USP19: variants seen among roughly 807,000 people sequenced by gnomAD.
USP19 encodes ubiquitin carboxyl-terminal hydrolase 19.
In USP19, 40 loss-of-function variants were observed where a neutral mutation model predicts 144.8. The ratio of observed to expected loss-of-function variants is 0.28; its 90% CI spans 0.21 to 0.36. The LOEUF (loss-of-function observed/expected upper bound fraction) is 0.36. Among genes scored for constraint, USP19 ranks in the 10% least tolerant of loss-of-function variants. The probability of loss-of-function intolerance (pLI) is 1.00; values close to 1 mark genes in which losing one functional copy is unlikely to be tolerated. For missense variants in USP19, 1,518 were observed against 1,822.5 expected (o/e 0.83, Z 3.04); for synonymous variants, 701 against 709.3 (o/e 0.99, Z 0.19).
intron 26 of USP19, chr3:49,109,266 C>T: frequency 7.0e-7 from 1 of 1,425,390 alleles, no homozygotes; most frequent in Non-Finnish European, 9.2e-7. Flanking sequence ...CATGACAGTC[C>T]CACCTGGGGT....
Position 49,119,067 on chromosome 3 carries a change from T to C in USP19, c.79A>G (p.Lys27Glu). 9 of 1,614,216 alleles carry C rather than the reference T, an allele frequency of 5.6e-6. No homozygotes were observed. Among genetic ancestry groups the C allele is most frequent in the Non-Finnish European group, 7.6e-6 (9 of 1,180,036 alleles). The change falls in exon 2 of 27, where the codon AAG becomes GAG. Residue 27 changes from lysine (K) to glutamate (E), a missense_variant. Lys to Glu is a moderately conservative substitution (Grantham distance 56). Transcript: ENST00000417901. ...TTGCTCTCCTGGTTTGCTCGATCCT[T>C]CTGCTTCTTCTTACTAGTGGTGTCC... Reference protein sequence around the residue: ...LEDTTSKKKQKDRANQESKDG... With the variant: ...LEDTTSKKKQEDRANQESKDG...
At position 49,115,028 on chromosome 3, in the gene USP19, G is replaced by A. The variant is rs908339457; in HGVS notation, c.2112C>T (p.His704=). ...EFMAFLLDGL[H]EDLNRIQNKP... ...TGTTCTGAATGCGATTCAGGTCCTC[G>A]TGCAGCCCATCCAGCAGGAAAGCCA... The change falls in exon 14 of 27, where the codon CAC becomes CAT. Residue 704 remains histidine (H), a synonymous_variant. Transcript: ENST00000417901. The surrounding 1 kb of genome is among the most constrained non-coding windows in gnomAD (Gnocchi z 6.6). 7 of 1,614,024 alleles carry A rather than the reference G, an allele frequency of 4.3e-6. No homozygotes were observed. The highest frequency in any genetic ancestry group is 1.1e-5 in the South Asian group (1 of 91,086).
Position 49,111,435 on chromosome 3 carries a change from C to T in USP19, c.3217+65G>A. 2 of 1,613,284 alleles carry T rather than the reference C, an allele frequency of 1.2e-6. No homozygotes were observed. The highest frequency in any genetic ancestry group is 1.7e-6 in the Non-Finnish European group (2 of 1,179,684). On this transcript the variant is annotated intron_variant, in intron 21 of 26. Transcript: ENST00000417901. This position sits in a 1 kb window ranked among gnomAD's most constrained non-coding sequence, Gnocchi z 5.9. ...CTCACCAGGCCCACCAGGCCCTAAACAACAGCCCCCTCCATCCTCCCTTAT... is the reference window on the plus strand; with the variant it reads ...CTCACCAGGCCCACCAGGCCCTAAATAACAGCCCCCTCCATCCTCCCTTAT...
rs760195766 is a variant in USP19, at chr3:49,116,346, C to G, written c.1289G>C (p.Gly430Ala). 3 of 1,614,088 alleles carry G rather than the reference C, an allele frequency of 1.9e-6. No homozygotes were observed. Among genetic ancestry groups the G allele is most frequent in the Non-Finnish European group, 2.5e-6 (3 of 1,180,032 alleles). Residue 430 changes from glycine to alanine, a missense_variant, in exon 9 of 27, where the codon GGA (glycine) becomes GCA (alanine). Physicochemically the swap from Gly to Ala is moderately conservative, Grantham distance 60. Coordinates refer to ENST00000417901, the MANE Select transcript of USP19 (RefSeq NM_001199161.2). This position sits in a 1 kb window ranked among gnomAD's most constrained non-coding sequence, Gnocchi z 5.0. Reference sequence around the variant, plus strand: ...GCCCGGGTGCAGCCTCAGGAAGTTTCCATCCCTGCAGAGGCACAGCAGGAT... The same window carrying G: ...GCCCGGGTGCAGCCTCAGGAAGTTTGCATCCCTGCAGAGGCACAGCAGGAT... ...DFTLIFQTRD[G>A]NFLRLHPGCG...
In USP19 at chr3:49,110,158, T is replaced by G; in HGVS notation, c.4038+26A>C. The G allele has an allele frequency of 6.7e-7, 1 of 1,501,572 alleles. No homozygotes were observed. Among genetic ancestry groups the G allele is most frequent in the Non-Finnish European group, 8.9e-7 (1 of 1,127,502 alleles). 93.0% of individuals were successfully genotyped at this position (1,501,572 alleles called of 1,614,324 possible). On this transcript the variant is annotated intron_variant, in intron 26 of 26. Coordinates refer to ENST00000417901, the MANE Select transcript of USP19 (RefSeq NM_001199161.2). The surrounding 1 kb of genome is among the most constrained non-coding windows in gnomAD (Gnocchi z 6.1). ...CAGTCTGTGAACTGTCCCCCAGTATTCTGTAAAGCCTCCCACATGCCTCAC... is the reference window on the plus strand; with the variant it reads ...CAGTCTGTGAACTGTCCCCCAGTATGCTGTAAAGCCTCCCACATGCCTCAC...
At position 49,116,943 on chromosome 3, in the gene USP19, C is replaced by A; in HGVS notation, c.910G>T (p.Val304Phe). Reference protein sequence around the residue: ...PPFVADPATQVEADEQLCIPP... With the variant: ...PPFVADPATQFEADEQLCIPP... ...ATGCAAAGCTGTTCATCAGCCTCAACCTATTAATGGCAAGATTGTGGAAAG... is the reference window on the plus strand; with the variant it reads ...ATGCAAAGCTGTTCATCAGCCTCAAACTATTAATGGCAAGATTGTGGAAAG... The change falls in exon 7 of 27, where the codon GTT (valine) becomes TTT (phenylalanine). Residue 304 changes from valine (V) to phenylalanine (F), a missense_variant and splice_region_variant. Val to Phe is a conservative substitution (Grantham distance 50, BLOSUM62 -1). Transcript: ENST00000417901. This position sits in a 1 kb window ranked among gnomAD's most constrained non-coding sequence, Gnocchi z 5.0. 1.9e-6 allele frequency: 3 copies of A among 1,613,254 alleles called. No homozygotes were observed. The highest frequency in any genetic ancestry group is 2.5e-6 in the Non-Finnish European group (3 of 1,179,666).
At chr3:49,119,403 C>G (rs546344491) in intron 1 of USP19, 122 bp from the exon 2 acceptor site, 3 of 415,148 alleles carry the variant, frequency 7.2e-6, no homozygotes, top group Middle Eastern at 1.3e-3. Flanking sequence ...TCTTAAGTAC[C>G]CCTGGACACT....
At position 49,110,355 on chromosome 3, in the gene USP19, G is replaced by A. The variant is rs1180460934; in HGVS notation, c.3867C>T (p.Arg1289=). 1 of 1,594,444 alleles carries A rather than the reference G, an allele frequency of 6.3e-7. No homozygotes were observed. The highest frequency in any genetic ancestry group is 8.6e-7 in the Non-Finnish European group (1 of 1,168,052). ...RSSQRSDVGW[R]LFDDSTVTTV... is the part of the protein sequence containing the mutation. ...TTGTCACTGTGCTGTCATCAAACAAGCGCCAGCCTACAGCAGGGTGGGAAG... is the reference window on the plus strand; with the variant it reads ...TTGTCACTGTGCTGTCATCAAACAAACGCCAGCCTACAGCAGGGTGGGAAG... Residue 1289 remains arginine, a synonymous_variant, in exon 26 of 27, where the codon CGC becomes CGT. Coordinates refer to ENST00000417901, the MANE Select transcript of USP19 (RefSeq NM_001199161.2). This position sits in a 1 kb window ranked among gnomAD's most constrained non-coding sequence, Gnocchi z 6.1.
rs61910720 is a variant in USP19, at chr3:49,111,991, A to G, written c.2823T>C (p.Ile941=). The change falls in exon 20 of 27, where the codon ATT becomes ATC. Residue 941 remains isoleucine, a synonymous_variant. Transcript: ENST00000417901. The surrounding 1 kb of genome is among the most constrained non-coding windows in gnomAD (Gnocchi z 5.9). ...DHKGLCRPEN[I]GYPFLVSVPA... Reference sequence around the variant, plus strand: ...GTACACTGACCAGGAAGGGGTAGCCAATGTTCTCAGGTCGGCAGAGGCCCT... The same window carrying G: ...GTACACTGACCAGGAAGGGGTAGCCGATGTTCTCAGGTCGGCAGAGGCCCT... The G allele has an allele frequency of 5.3e-4, 854 of 1,614,096 alleles. 5 individuals are homozygous for G. In the African/African-American group the frequency reaches 9.8e-3, roughly 19 times the overall value.
In USP19 at chr3:49,115,733, G is replaced by A. The variant is rs754236615; in HGVS notation, c.1683C>T (p.His561=). The change falls in exon 11 of 27, where the codon CAC becomes CAT. Residue 561 remains histidine (H), a synonymous_variant. Transcript: ENST00000417901. The surrounding 1 kb of genome is among the most constrained non-coding windows in gnomAD (Gnocchi z 6.6). The part of the protein sequence containing the change: ...MEHVTPKPET[H]LASPKPTCMV... ...ACCCCAGAATTCTCACCGAGGCCAG[G>A]TGTGTCTCTGGCTTTGGGGTTACAT... The A allele has an allele frequency of 3.1e-6, 5 of 1,610,302 alleles. No individual in the cohort carries two copies. Among genetic ancestry groups the A allele is most frequent in the Non-Finnish European group, 4.2e-6 (5 of 1,177,104 alleles).
rs371779285 is a variant in USP19 at position 49,111,813 on chromosome 3, C to T, written c.2904G>A (p.Arg968=). Residue 968 remains arginine (R), a splice_region_variant and synonymous_variant, in exon 21 of 27, where the codon CGG becomes CGA. Transcript: ENST00000417901. The surrounding 1 kb of genome is among the most constrained non-coding windows in gnomAD (Gnocchi z 5.9). ...GTGGCTGGAATACACTCACAGAGTA[C>T]CTGGCAACAGAGAACAACGCAAGTA... ...RLAQLLEGYA[R]YSVSVFQPPF... is the part of the protein sequence containing the mutation. The T allele has an allele frequency of 2.7e-5, 42 of 1,571,000 alleles. No homozygotes were observed. The highest frequency in any genetic ancestry group is 3.5e-5 in the Non-Finnish European group (41 of 1,156,758).
At chr3:49,109,983 G>C (rs2042894609) in intron 26 of USP19, 1 of 536,352 alleles carries the variant, frequency 1.9e-6, no homozygotes, top group Admixed American at 3.9e-5. Flanking sequence ...CAGCATGTTA[G>C]TGTACTTGTA....
chr3:49,118,683 G>A (rs960027317), intron 2 of USP19, among the ~76,000 whole-genome samples: 7 of 151,826 alleles, frequency 4.6e-5, no homozygotes, highest in Admixed American at 2.0e-4. Context: ...GGAGGTGGAC[G>A]TTGCAGTGAG....
In USP19 at chr3:49,108,583, TC is replaced by T; in HGVS notation, c.4039-56del. On this transcript the variant is annotated intron_variant, in intron 26 of 26. Coordinates refer to ENST00000417901, the MANE Select transcript of USP19 (RefSeq NM_001199161.2). This position sits in a 1 kb window ranked among gnomAD's most constrained non-coding sequence, Gnocchi z 4.8. ...GGGCTGCCCAGCATGCCGCCTGGCA[TC>T]CCGGGGGTGCTGGCTTGGAGCCCTG... 1 of 1,256,124 alleles carries T rather than the reference TC, an allele frequency of 8.0e-7. No individual in the cohort carries two copies. Among genetic ancestry groups the T allele is most frequent in the Non-Finnish European group, 1.0e-6 (1 of 988,840 alleles). The allele number at this position is 1,256,124 out of a possible 1,614,324, so 77.8% of individuals were successfully genotyped here.
intron 17 of USP19, among the ~76,000 whole-genome samples, chr3:49,113,158 G>A (rs1349350592): frequency 6.6e-6 from 1 of 152,128 alleles, no homozygotes; most frequent in African/African-American, 2.4e-5. Context: ...ACCACAAAGG[G>A]GAATAAACCC....
rs370058213 is a variant in USP19, at chr3:49,109,079, C to T, written c.4039-551G>A. The stretch of plus-strand genomic sequence containing the variant: ...GCCCTCATCTGGTGTGGTAGGGCCA[C>T]GTGGTAGGGGGCCCACCCAGTCTTG... On this transcript the variant is annotated intron_variant, in intron 26 of 26. Coordinates refer to ENST00000417901, the MANE Select transcript of USP19 (RefSeq NM_001199161.2). 15 of 1,604,128 alleles carry T rather than the reference C, an allele frequency of 9.4e-6. No homozygotes were observed. The South Asian group carries it at 1.0e-4, about 11-fold the overall frequency.
Position 49,108,591 on chromosome 3 carries a change from G to T in USP19, c.4039-63C>A. The T allele has an allele frequency of 7.9e-7, 1 of 1,263,258 alleles. No homozygotes were observed. The highest frequency in any genetic ancestry group is 1.0e-6 in the Non-Finnish European group (1 of 995,086). 78.3% of individuals were successfully genotyped at this position (1,263,258 alleles called of 1,614,324 possible). A position where few individuals can be genotyped will look rare whatever the true frequency, so the allele number is the denominator to read the frequency against. On this transcript the variant is annotated intron_variant, in intron 26 of 26. Coordinates refer to ENST00000417901, the MANE Select transcript of USP19 (RefSeq NM_001199161.2). The surrounding 1 kb of genome is among the most constrained non-coding windows in gnomAD (Gnocchi z 4.8). Reference sequence around the variant, plus strand: ...CAGCATGCCGCCTGGCATCCCGGGGGTGCTGGCTTGGAGCCCTGGCACCCA... The same window carrying T: ...CAGCATGCCGCCTGGCATCCCGGGGTTGCTGGCTTGGAGCCCTGGCACCCA...
chr3:49,110,891 C>G lies in USP19; in HGVS notation c.3546-28G>C. 6.2e-7 allele frequency: 1 copy of G among 1,613,838 alleles called. No homozygotes were observed. Among genetic ancestry groups the G allele is most frequent in the South Asian group, 1.1e-5 (1 of 91,084 alleles). ...GGTGGGGACAGAGATTGGGTCAGGA[C>G]CAGCAAGTCTCTCTCTTCTCCATCC... is the stretch of plus-strand genomic sequence containing the variant. On this transcript the variant is annotated intron_variant, in intron 23 of 26. Coordinates refer to ENST00000417901, the MANE Select transcript of USP19 (RefSeq NM_001199161.2). The surrounding 1 kb of genome is among the most constrained non-coding windows in gnomAD (Gnocchi z 6.1).
chr3:49,115,633 G>C lies in USP19; in HGVS notation c.1699C>G (p.Pro567Ala). ...KPETHLASPKPTCMVPPMPHS... is the reference protein window; with the variant it reads ...KPETHLASPKATCMVPPMPHS... Reference sequence around the variant, plus strand: ...GGCATGGGAGGCACCATGCATGTAGGCTTGGGCTGCAGGAGCAAAGACGAC... The same window carrying C: ...GGCATGGGAGGCACCATGCATGTAGCCTTGGGCTGCAGGAGCAAAGACGAC... Residue 567 changes from proline to alanine, a missense_variant, in exon 12 of 27, where the codon CCT becomes GCT. By Grantham distance (27) the Pro-to-Ala change is conservative (BLOSUM62 -1). Around this residue, in one of 5 missense-constraint regions of USP19, gnomAD observed 158 missense variants for 277.3 expected, o/e 0.57. Coordinates refer to ENST00000417901, the MANE Select transcript of USP19 (RefSeq NM_001199161.2). The surrounding 1 kb of genome is among the most constrained non-coding windows in gnomAD (Gnocchi z 6.6). 6.2e-7 allele frequency: 1 copy of C among 1,608,010 alleles called. No individual in the cohort carries two copies. The highest frequency in any genetic ancestry group is 8.5e-7 in the Non-Finnish European group (1 of 1,176,868).
Sources: gnomAD v4.1 joint callset for allele counts (sites outside exome capture counted in the v4.1 genomes callset) on GRCh38, gnomAD v4.1.1 for gene constraint, gnomAD v4.1.1 regional missense constraint, Gnocchi (gnomAD v3.1) non-coding constraint, MANE v1.5 for transcripts, NCBI Gene and HGNC (gene_info 2026-07-23, HGNC 2026-07-21) for gene names.